The following CMSS1 variants were observed in gnomAD, a reference collection of about 807,000 sequenced individuals.
CMSS1 encodes protein CMSS1.
Under a neutral mutation model 43.5 loss-of-function variants are expected in CMSS1, and 33 were observed. The observed-to-expected ratio is 0.76, with a 90% CI of 0.57 to 1.01. The LOEUF is 1.01. Ranked by LOEUF, CMSS1 falls within the 50% of genes least tolerant of loss-of-function variation. The pLI, the probability that CMSS1 is intolerant of heterozygous loss-of-function variation, is 0.00. For missense variants in CMSS1, 313 were observed against 326.4 expected, an observed-to-expected ratio of 0.96 and a Z score of 0.32; for synonymous variants, 115 against 117.2, an observed-to-expected ratio of 0.98 and a Z score of 0.12.
intron 1 of CMSS1, among the ~76,000 whole-genome samples, chr3:99,928,552 G>C (rs143734042): frequency 9.2e-5 from 14 of 152,316 alleles, no homozygotes; most frequent in South Asian, 2.1e-4. Flanking sequence ...TTTGTAGAAG[G>C]GGGGTATTTC....
At chr3:100,139,611 G>T (rs2066787656) in intron 1 of CMSS1, among the ~76,000 whole-genome samples, 1 of 144,932 alleles carries the variant, frequency 6.9e-6, no homozygotes, top group African/African-American at 2.6e-5. Flanking sequence ...ATATGTGTGT[G>T]TGTATATATA....
At chr3:100,141,466 G>A (rs2066803922) in intron 1 of CMSS1, 4 of 438,830 alleles carry the variant, frequency 9.1e-6, no homozygotes, top group African/African-American at 4.1e-5. Context: ...TGGTGAAGAC[G>A]GCGGTCTTAA....
At chr3:100,120,643 G>A (rs1436773398) in intron 1 of CMSS1, among the ~76,000 whole-genome samples, 1 of 152,064 alleles carries the variant, frequency 6.6e-6, no homozygotes, top group Admixed American at 6.5e-5. Context: ...CTGTCGCTCA[G>A]GAACTCATAG....
At chr3:99,925,902 C>A in intron 1 of CMSS1, 2 of 985,128 alleles carry the variant, frequency 2.0e-6, no homozygotes, top group Non-Finnish European at 2.4e-6. Context: ...TTGCCCAGCA[C>A]GGGGTAAGCT....
chr3:100,063,086 A>G (rs751617164), intron 1 of CMSS1, among the ~76,000 whole-genome samples: 3 of 152,190 alleles, frequency 2.0e-5, no homozygotes, highest in Non-Finnish European at 2.9e-5. Flanking sequence ...TTTGAACTAT[A>G]TTATATGCCT....
chr3:99,941,071 A>G (rs1303189532), intron 1 of CMSS1, among the ~76,000 whole-genome samples: 1 of 152,262 alleles, frequency 6.6e-6, no homozygotes, highest in Non-Finnish European at 1.5e-5. Flanking sequence ...CCTCTGAAGC[A>G]TATAAGTTTA....
chr3:99,914,082 G>A (rs1409146595), intron 1 of CMSS1, among the ~76,000 whole-genome samples: 1 of 152,174 alleles, frequency 6.6e-6, no homozygotes, highest in African/African-American at 2.4e-5. Flanking sequence ...AGGGAATTTG[G>A]CAAAGTGGGC....
At chr3:99,941,562 G>A (rs1009303536) in intron 1 of CMSS1, among the ~76,000 whole-genome samples, 8 of 152,136 alleles carry the variant, frequency 5.3e-5, no homozygotes, top group African/African-American at 1.4e-4. Flanking sequence ...GAAAAGTGAG[G>A]GCAGAAAGGT....
At chr3:100,093,438 AT>A (rs1411766104) in intron 1 of CMSS1, among the ~76,000 whole-genome samples, 2 of 152,128 alleles carry the variant, frequency 1.3e-5, no homozygotes, top group Admixed American at 6.5e-5. Context: ...CTTACAAAAA[AT>A]ATATACTTTT....
intron 1 of CMSS1, chr3:99,830,185 G>C (rs1236512012): frequency 7.7e-6 from 2 of 258,184 alleles, no homozygotes; most frequent in Non-Finnish European, 1.6e-5. Context: ...ATGAGGAAAT[G>C]GGTAGATTTG....
chr3:100,029,647 T>C (rs1032142996), intron 1 of CMSS1, among the ~76,000 whole-genome samples: 7 of 152,336 alleles, frequency 4.6e-5, no homozygotes, highest in Admixed American at 2.6e-4. Context: ...AGCAGTTTAC[T>C]GACATTCCAT....
At chr3:99,851,314 T>C (rs1027948513) in intron 1 of CMSS1, among the ~76,000 whole-genome samples, 3 of 151,978 alleles carry the variant, frequency 2.0e-5, no homozygotes, top group Non-Finnish European at 1.5e-5. Context: ...AGTAAAAGAG[T>C]AAGGGCAAGA....
At chr3:99,895,144 T>C (rs1302338965) in intron 1 of CMSS1, among the ~76,000 whole-genome samples, 2 of 152,060 alleles carry the variant, frequency 1.3e-5, no homozygotes, top group Non-Finnish European at 2.9e-5. Context: ...ACTCAGGTGT[T>C]CATAACCCAG....
intron 1 of CMSS1, among the ~76,000 whole-genome samples, chr3:100,134,628 A>G (rs1228058268): frequency 6.6e-6 from 1 of 152,222 alleles, no homozygotes; most frequent in Non-Finnish European, 1.5e-5. Context: ...AAGGCAAACC[A>G]GGATATATTT....
At chr3:99,896,944 G>C (rs1223144048) in intron 1 of CMSS1, among the ~76,000 whole-genome samples, 1 of 152,170 alleles carries the variant, frequency 6.6e-6, no homozygotes, top group Non-Finnish European at 1.5e-5. Flanking sequence ...AATAGAAAAT[G>C]TATTTTCAGT....
intron 1 of CMSS1, among the ~76,000 whole-genome samples, chr3:100,046,687 A>G (rs750612185): frequency 1.3e-5 from 2 of 152,166 alleles, no homozygotes; most frequent in Non-Finnish European, 2.9e-5. Context: ...GCTCCAGGTA[A>G]TAGAAATAAG....
intron 5 of CMSS1, 37 bp from the exon 6 acceptor site, chr3:100,167,701 C>T: frequency 7.0e-7 from 1 of 1,438,030 alleles, no homozygotes. Flanking sequence ...CCTGTTTTGC[C>T]ATATTTCAAA....
chr3:99,934,875 G>A (rs1249800065), intron 1 of CMSS1, among the ~76,000 whole-genome samples: 1 of 152,178 alleles, frequency 6.6e-6, no homozygotes, highest in Non-Finnish European at 1.5e-5. Flanking sequence ...GAGTTTTACT[G>A]AGACCACCAA....
chr3:99,833,499 T>G (rs1942772452), intron 1 of CMSS1, among the ~76,000 whole-genome samples: 1 of 152,244 alleles, frequency 6.6e-6, no homozygotes, highest in African/African-American at 2.4e-5. Flanking sequence ...ATGACTCTTT[T>G]GTTCTTCCAC....
Sources: allele counts gnomAD v4.1 joint callset (sites outside exome capture counted in the v4.1 genomes callset), GRCh38; gene constraint gnomAD v4.1.1; transcripts MANE v1.5; gene names NCBI Gene and HGNC (gene_info 2026-07-23, HGNC 2026-07-21).